The following ZRSR2 variants were observed in gnomAD, a reference collection of about 807,000 sequenced individuals.
ZRSR2 encodes the protein zinc finger CCCH-type, RNA binding motif and serine/arginine rich 2.
ZRSR2 carries 3 observed loss-of-function variants against 39.4 expected under a neutral mutation model. The ratio of observed to expected loss-of-function variants is 0.08; its 90% CI spans 0.03 to 0.20. The LOEUF (loss-of-function observed/expected upper bound fraction) is 0.20. ZRSR2 is among the 10% of genes least tolerant of loss of function. The pLI, the probability that ZRSR2 is intolerant of heterozygous loss-of-function variation, is 1.00. For synonymous variants in ZRSR2, 137 were observed against 136.0 expected, an observed-to-expected ratio of 1.01 and a Z score of -0.05; for missense variants, 256 against 391.5, an observed-to-expected ratio of 0.65 and a Z score of 2.92.
At chrX:15,818,484 T>C in intron 8 of ZRSR2, 103 bp from the exon 9 acceptor site, 1 of 715,832 alleles carries the variant, frequency 1.4e-6, no homozygotes. Flanking sequence ...AATCTTTGAT[T>C]GGTAACTACT....
intron 2 of ZRSR2, among the ~76,000 whole-genome samples, chrX:15,793,777 A>G (rs1569062810): frequency 8.9e-6 from 1 of 112,349 alleles, no homozygotes; most frequent in East Asian, 2.8e-4. Flanking sequence ...ATCTCAGGTG[A>G]TCTGCCCACC....
intron 2 of ZRSR2, among the ~76,000 whole-genome samples, chrX:15,797,057 G>T (rs1019354605): frequency 1.8e-5 from 2 of 109,566 alleles, no homozygotes; most frequent in African/African-American, 6.7e-5. Context: ...GCCTCCGAAA[G>T]TGCTAGGATT....
At chrX:15,816,474 A>T (rs753488207) in intron 8 of ZRSR2, among the ~76,000 whole-genome samples, 5 of 112,146 alleles carry the variant, frequency 4.5e-5, no homozygotes, top group Admixed American at 2.8e-4. Flanking sequence ...AATACTGAAT[A>T]TAGTATTATA....
Position 15,823,066 on chromosome X carries a change from A to G in ZRSR2, c.1273A>G (p.Arg425Gly). 1 of 1,211,076 alleles carries G rather than the reference A, an allele frequency of 8.3e-7. No individual in the cohort carries two copies. The highest frequency in any genetic ancestry group is 1.1e-6 in the Non-Finnish European group (1 of 894,942). The stretch of plus-strand genomic sequence containing the variant: ...GAGGCACAATTCACGAAGCAGAGGA[A>G]GAAATAGGGACCGCAGCAGGGACCG... ...RERHNSRSRGRNRDRSRDRSR... is the reference protein window; with the variant it reads ...RERHNSRSRGGNRDRSRDRSR... Residue 425 changes from arginine (R) to glycine (G), a missense_variant, in exon 11 of 11, where the codon AGA becomes GGA. Physicochemically the swap from Arg to Gly is moderately radical, Grantham distance 125. This residue lies in a region of ZRSR2 where 111 missense variants were observed against 116.7 expected (regional missense o/e 0.95). Coordinates refer to ENST00000307771, the MANE Select transcript of ZRSR2 (RefSeq NM_005089.4).
At chrX:15,821,715 A>G (rs1933111418) in intron 10 of ZRSR2, among the ~76,000 whole-genome samples, 1 of 110,595 alleles carries the variant, frequency 9.0e-6, no homozygotes, top group South Asian at 3.8e-4. Flanking sequence ...TCAAGGTCAT[A>G]GTTTCATTTC....
In ZRSR2 at chrX:15,823,085, G is replaced by GGGACCGCAGCAT. The variant is rs756129097; in HGVS notation, c.1302_1303insATGGACCGCAGC (p.Ser434_Arg435insMetAspArgSer). 5.8e-6 allele frequency: 7 copies of GGGACCGCAGCAT among 1,208,231 alleles called. No homozygotes were observed. In the East Asian group the frequency reaches 2.1e-4, roughly 36 times the overall value. On this transcript the variant is annotated inframe_insertion, in exon 11 of 11. Transcript: ENST00000307771. ...AGAGGAAGAAATAGGGACCGCAGCA[G>GGGACCGCAGCAT]GGACCGCAGCCGGGGCCGGGGCAGC...
rs775329401 is a variant in ZRSR2, at chrX:15,803,703, G to T, written c.219G>T (p.Glu73Asp). ...LLERERQRLHEEWLLREQKAQ... is the reference protein window; with the variant it reads ...LLERERQRLHDEWLLREQKAQ... ...ATACTGATAGGCAAAGATTACATGA[G>T]GAGTGGTTGCTAAGAGAGCAGAAGG... Residue 73 changes from glutamate to aspartate, a missense_variant, in exon 4 of 11, where the codon GAG (glutamate) becomes GAT (aspartate). Physicochemically the swap from Glu to Asp is conservative, Grantham distance 45. This residue lies in a region of ZRSR2 where 87 missense variants were observed against 111.7 expected (regional missense o/e 0.78). Transcript: ENST00000307771. 1 of 1,200,997 alleles carries T rather than the reference G, an allele frequency of 8.3e-7. No individual in the cohort carries two copies. Among genetic ancestry groups the T allele is most frequent in the African/African-American group, 1.8e-5 (1 of 56,761 alleles).
intron 2 of ZRSR2, among the ~76,000 whole-genome samples, chrX:15,794,649 C>G (rs1248120822): frequency 9.0e-6 from 1 of 111,314 alleles, no homozygotes; most frequent in African/African-American, 3.3e-5. Context: ...TGGTCTTGCT[C>G]TCTTGGGTGG....
intron 2 of ZRSR2, among the ~76,000 whole-genome samples, chrX:15,796,185 C>T (rs1366192014): frequency 9.0e-6 from 1 of 111,289 alleles, no homozygotes; most frequent in East Asian, 2.8e-4. Context: ...CGCACCACCG[C>T]GCCCGGCCAT....
intron 7 of ZRSR2, among the ~76,000 whole-genome samples, chrX:15,810,631 A>G (rs892222536): frequency 9.2e-6 from 1 of 108,816 alleles, no homozygotes; most frequent in South Asian, 3.8e-4. Context: ...ACCATTTTTC[A>G]TTTTTTAAGA....
At chrX:15,800,573 A>C (rs1407467026) in intron 3 of ZRSR2, among the ~76,000 whole-genome samples, 1 of 112,221 alleles carries the variant, frequency 8.9e-6, no homozygotes, top group African/African-American at 3.2e-5. Flanking sequence ...AACACACCCA[A>C]AGATAGCCAC....
At chrX:15,814,441 C>T (rs1932931351) in intron 7 of ZRSR2, among the ~76,000 whole-genome samples, 1 of 111,347 alleles carries the variant, frequency 9.0e-6, no homozygotes, top group African/African-American at 3.3e-5. Context: ...CCAGCCTGGG[C>T]AACATAGCGA....
intron 7 of ZRSR2, among the ~76,000 whole-genome samples, chrX:15,811,258 A>G (rs1031452621): frequency 2.7e-5 from 3 of 112,304 alleles, no homozygotes; most frequent in Non-Finnish European, 5.6e-5. Context: ...ATGCACTGTG[A>G]ATTACCTTTC....
rs201906517 is a variant in ZRSR2 at position 15,790,548 on chromosome X, A to G, written c.41+12A>G. ...CCCGAGAAACCAAGGTAAGCGCCGT[A>G]CGGGGAGATGAGCAGGCGAGCGGGC... On this transcript the variant is annotated intron_variant, in intron 1 of 10. Coordinates refer to ENST00000307771, the MANE Select transcript of ZRSR2 (RefSeq NM_005089.4). The G allele has an allele frequency of 1.7e-6, 2 of 1,158,506 alleles. No individual in the cohort carries two copies. The highest frequency in any genetic ancestry group is 2.8e-5 in the Admixed American group (1 of 35,787).
chrX:15,797,586 T>G (rs989960556), intron 2 of ZRSR2, among the ~76,000 whole-genome samples: 2 of 112,204 alleles, frequency 1.8e-5, no homozygotes, highest in African/African-American at 6.5e-5. Flanking sequence ...ATATATTTTA[T>G]GCATTCATGA....
intron 3 of ZRSR2, among the ~76,000 whole-genome samples, chrX:15,800,870 G>A (rs762932639): frequency 2.7e-5 from 3 of 112,569 alleles, no homozygotes; most frequent in African/African-American, 9.7e-5. Context: ...TATGTAAAAA[G>A]TTGCAGTAAG....
At chrX:15,815,963 C>T in intron 8 of ZRSR2, 73 bp downstream of exon 8, 1 of 933,741 alleles carries the variant, frequency 1.1e-6, no homozygotes, top group Non-Finnish European at 1.5e-6. Flanking sequence ...AGAGCTGGGA[C>T]ACAGGCTCAG....
intron 2 of ZRSR2, 151 bp downstream of exon 2, chrX:15,791,164 CAT>C: frequency 1.2e-5 from 6 of 489,576 alleles, no homozygotes; most frequent in Admixed American, 3.7e-5. Context: ...TTTAGAAACA[CAT>C]GTCAGAAACA....
intron 3 of ZRSR2, among the ~76,000 whole-genome samples, chrX:15,800,642 C>A (rs1932643740): frequency 8.9e-6 from 1 of 112,246 alleles, no homozygotes; most frequent in African/African-American, 3.2e-5. Context: ...TCTATAATGG[C>A]ATGATATTTA....
Sources: allele counts gnomAD v4.1 joint callset (sites outside exome capture counted in the v4.1 genomes callset), GRCh38; gene constraint gnomAD v4.1.1; regional missense constraint gnomAD v4.1.1; transcripts MANE v1.5; gene names NCBI Gene and HGNC (gene_info 2026-07-23, HGNC 2026-07-21).